The following GNA14 variants were observed in gnomAD, a reference collection of about 807,000 sequenced individuals.
GNA14 encodes guanine nucleotide-binding protein subunit alpha-14.
In GNA14, 50 loss-of-function variants were observed where a neutral mutation model predicts 42.0. That is an observed-to-expected ratio of 1.19 (90% CI 0.95 to 1.51). GNA14 has a LOEUF of 1.51. GNA14 is among the 40% of genes most tolerant of loss of function. The probability of loss-of-function intolerance (pLI) is 0.00; values close to 1 mark genes in which losing one functional copy is unlikely to be tolerated. For missense variants in GNA14, 473 were observed against 446.2 expected (o/e 1.06, Z -0.54); for synonymous variants, 173 against 163.1 (o/e 1.06, Z -0.46).
At chr9:77,628,238 G>C (rs773461629) in intron 1 of GNA14, among the ~76,000 whole-genome samples, 16 of 152,114 alleles carry the variant, frequency 1.1e-4, no homozygotes, top group Non-Finnish European at 1.8e-4. Context: ...AAGGAAATAA[G>C]AGAGGACACA....
intron 2 of GNA14, among the ~76,000 whole-genome samples, chr9:77,488,647 A>G (rs1354758044): frequency 6.6e-6 from 1 of 151,988 alleles, no homozygotes; most frequent in Non-Finnish European, 1.5e-5. Flanking sequence ...GATGGGCAGC[A>G]CTCTGGTTTT....
chr9:77,474,261 A>G (rs1836379651), intron 2 of GNA14, among the ~76,000 whole-genome samples: 1 of 152,256 alleles, frequency 6.6e-6, no homozygotes, highest in Non-Finnish European at 1.5e-5. Flanking sequence ...CATGTATTTA[A>G]TAAGGGACTT....
intron 1 of GNA14, among the ~76,000 whole-genome samples, chr9:77,544,936 C>A (rs1177229961): frequency 6.6e-6 from 1 of 152,104 alleles, no homozygotes; most frequent in Admixed American, 6.5e-5. Flanking sequence ...GAGAAGTAAT[C>A]TAACACTACA....
chr9:77,505,625 T>G (rs1360340012), intron 2 of GNA14, among the ~76,000 whole-genome samples: 1 of 152,252 alleles, frequency 6.6e-6, no homozygotes, highest in Non-Finnish European at 1.5e-5. Context: ...TAGCAGATTT[T>G]GAGTCGCATG....
intron 1 of GNA14, among the ~76,000 whole-genome samples, chr9:77,615,647 T>C (rs1823799423): frequency 1.3e-5 from 2 of 150,844 alleles, no homozygotes; most frequent in South Asian, 4.2e-4. Flanking sequence ...TTTATCATCA[T>C]ACACATTTCT....
At chr9:77,431,580 T>C in intron 3 of GNA14, 131 bp from the exon 4 acceptor site, 1 of 734,902 alleles carries the variant, frequency 1.4e-6, no homozygotes. Flanking sequence ...ATGACTTTCC[T>C]GAGAGCCAGT....
intron 1 of GNA14, among the ~76,000 whole-genome samples, chr9:77,535,897 T>G (rs1250651259): frequency 1.4e-5 from 2 of 145,538 alleles, no homozygotes; most frequent in African/African-American, 2.8e-5. Flanking sequence ...GTTTTGTTTT[T>G]TTTTTTTTTC....
In GNA14 at chr9:77,452,229, G is replaced by A. The variant is rs184872157; in HGVS notation, c.310-17707C>T. Among the ~76,000 whole-genome samples the A allele has an allele frequency of 2.0e-3, 301 of 148,648 alleles. 1 individual carries two copies. The highest frequency in any genetic ancestry group is 6.8e-3 in the African/African-American group (282 of 41,222). On this transcript the variant is annotated intron_variant, in intron 2 of 6. Coordinates refer to ENST00000341700, the MANE Select transcript of GNA14 (RefSeq NM_004297.4). ...ATTCACCAAAGTCACCCCTACTCAT[G>A]TGACGTGTGAGGCAGACAGATTTGC...
chr9:77,479,712 CTCTTT>C (rs941070705), intron 2 of GNA14, among the ~76,000 whole-genome samples: 15 of 152,224 alleles, frequency 9.9e-5, no homozygotes, highest in South Asian at 2.1e-4. Flanking sequence ...TGTTTGTATT[CTCTTT>C]TATTTCATTG....
chr9:77,493,022 A>ATATATATATATATATATAT (rs1183078215), intron 2 of GNA14, among the ~76,000 whole-genome samples: 2 of 74,958 alleles, frequency 2.7e-5, no homozygotes, highest in East Asian at 5.6e-4. Context: ...AAAAAAAAAA[A>ATATATATATATATATATAT]AAAAATATAT....
At chr9:77,626,841 T>C (rs1824019679) in intron 1 of GNA14, among the ~76,000 whole-genome samples, 1 of 151,802 alleles carries the variant, frequency 6.6e-6, no homozygotes, top group African/African-American at 2.4e-5. Flanking sequence ...AAGCAAGAGC[T>C]AACAAACTGA....
chr9:77,617,444 C>T (rs761438536), intron 1 of GNA14, among the ~76,000 whole-genome samples: 1 of 152,064 alleles, frequency 6.6e-6, no homozygotes, highest in African/African-American at 2.4e-5. Context: ...ACCTTCAGAA[C>T]GTATATCAAA....
At chr9:77,443,753 C>T (rs1835771768) in intron 2 of GNA14, among the ~76,000 whole-genome samples, 1 of 152,158 alleles carries the variant, frequency 6.6e-6, no homozygotes, top group Non-Finnish European at 1.5e-5. Flanking sequence ...GTGAGAGGAT[C>T]ACTTAAAGCC....
intron 2 of GNA14, among the ~76,000 whole-genome samples, chr9:77,527,023 GAA>G (rs1487884350): frequency 1.4e-4 from 21 of 152,202 alleles, no homozygotes; most frequent in Admixed American, 1.4e-3. Flanking sequence ...AACGTAAGCA[GAA>G]GTGGCTTACA....
At chr9:77,513,211 T>G (rs923034611) in intron 2 of GNA14, among the ~76,000 whole-genome samples, 1 of 152,194 alleles carries the variant, frequency 6.6e-6, no homozygotes. Context: ...AATCAGATCA[T>G]TAAATGATAC....
intron 2 of GNA14, among the ~76,000 whole-genome samples, chr9:77,516,730 G>A (rs1837264724): frequency 1.3e-5 from 2 of 151,926 alleles, no homozygotes; most frequent in African/African-American, 2.4e-5. Flanking sequence ...CATTGGGGGT[G>A]GGGGGCGGTA....
intron 1 of GNA14, among the ~76,000 whole-genome samples, chr9:77,552,248 T>G (rs1033070640): frequency 5.9e-5 from 9 of 152,080 alleles, no homozygotes; most frequent in Non-Finnish European, 1.3e-4. Context: ...ATTATTTGTT[T>G]GGTTTTTCTT....
At chr9:77,525,454 AGAG>A (rs1346928853) in intron 2 of GNA14, among the ~76,000 whole-genome samples, 1 of 152,160 alleles carries the variant, frequency 6.6e-6, no homozygotes, top group Non-Finnish European at 1.5e-5. Flanking sequence ...ACATGGCAAG[AGAG>A]GAGGAGACGG....
chr9:77,613,410 A>G (rs1823762383), intron 1 of GNA14, among the ~76,000 whole-genome samples: 1 of 152,224 alleles, frequency 6.6e-6, no homozygotes, highest in Non-Finnish European at 1.5e-5. Context: ...TAAAGAAATG[A>G]CAGTTAAAGG....
Sources: gnomAD v4.1 joint callset for allele counts (sites outside exome capture counted in the v4.1 genomes callset) on GRCh38, gnomAD v4.1.1 for gene constraint, MANE v1.5 for transcripts, NCBI Gene and HGNC (gene_info 2026-07-23, HGNC 2026-07-21) for gene names.